The following TEX36 variants were observed in gnomAD, a reference collection of about 807,000 sequenced individuals.
The protein encoded by TEX36 is testis expressed 36, also known as testis-expressed protein 36.
Under a neutral mutation model 13.6 loss-of-function variants are expected in TEX36, and 12 were observed. The observed-to-expected ratio is 0.88, with a 90% CI of 0.56 to 1.43. The LOEUF (loss-of-function observed/expected upper bound fraction) is 1.43. Among genes scored for constraint, TEX36 ranks in the 40% most tolerant of loss-of-function variants. The pLI, the probability that TEX36 is intolerant of heterozygous loss-of-function variation, is 0.00. For synonymous variants in TEX36, 93 were observed against 83.0 expected (o/e 1.12, Z -0.65); for missense variants, 224 against 228.3 (o/e 0.98, Z 0.12).
chr10:125,612,661 T>C (rs1846304909), intron 3 of TEX36, among the ~76,000 whole-genome samples: 1 of 152,172 alleles, frequency 6.6e-6, no homozygotes, highest in Non-Finnish European at 1.5e-5. Context: ...AGTAGCTCCC[T>C]TAGTAATCCC....
chr10:125,596,705 A>C (rs1334025109), intron 3 of TEX36, among the ~76,000 whole-genome samples: 1 of 152,206 alleles, frequency 6.6e-6, no homozygotes, highest in Admixed American at 6.5e-5. Context: ...AAGAAAAGGA[A>C]ATCTCAGTAG....
At chr10:125,625,777 C>G (rs148217717) in intron 3 of TEX36, among the ~76,000 whole-genome samples, 1 of 152,370 alleles carries the variant, frequency 6.6e-6, no homozygotes, top group African/African-American at 2.4e-5. Context: ...TGGCACCTGA[C>G]CCAGTGCAGA....
chr10:125,665,707 T>C lies in TEX36; in HGVS notation c.52-3730A>G, dbSNP rs113600671. On this transcript the variant is annotated intron_variant, in intron 1 of 3. Coordinates refer to ENST00000368821, the MANE Select transcript of TEX36 (RefSeq NM_001128202.3). ...TATTCTGGCTCTTTTTTATTCCATA[T>C]GAATTTTAAGATTGTTTTTTCTAAT... Among the ~76,000 whole-genome samples the C allele has an allele frequency of 7.0e-3, 1,071 of 152,322 alleles. 16 individuals carry two copies. Among genetic ancestry groups the C allele is most frequent in the African/African-American group, 0.024 (1,018 of 41,570 alleles).
intron 3 of TEX36, among the ~76,000 whole-genome samples, chr10:125,627,866 G>C (rs1417528958): frequency 6.6e-6 from 1 of 152,202 alleles, no homozygotes; most frequent in Non-Finnish European, 1.5e-5. Context: ...CTCACTGGTG[G>C]ATTTGAGAAG....
Position 125,655,776 on chromosome 10 carries a change from C to A in TEX36, c.*124G>T. ...TCACAAGGATTTGAATGTTTTTTGA[C>A]CTTATAAAAATCATAAAAGTACTTT... On this transcript the variant is annotated 3_prime_UTR_variant, in exon 4 of 4. Coordinates refer to ENST00000368821, the MANE Select transcript of TEX36 (RefSeq NM_001128202.3). 3 of 1,339,706 alleles carry A rather than the reference C, an allele frequency of 2.2e-6. No homozygotes were observed. Among genetic ancestry groups the A allele is most frequent in the Non-Finnish European group, 1.9e-6 (2 of 1,045,228 alleles). 83.0% of individuals were successfully genotyped at this position (1,339,706 alleles called of 1,614,324 possible).
intron 3 of TEX36, among the ~76,000 whole-genome samples, chr10:125,609,529 G>A (rs1846265347): frequency 6.6e-6 from 1 of 152,182 alleles, no homozygotes; most frequent in South Asian, 2.1e-4. Context: ...TCCCATGCGG[G>A]ATCCTTCTCC....
downstream of TEX36, among the ~76,000 whole-genome samples, chr10:125,619,150 AT>A (rs1358416019): frequency 6.6e-6 from 1 of 151,834 alleles, no homozygotes; most frequent in Non-Finnish European, 1.5e-5. Context: ...AAATAAAAAA[AT>A]AAAAATAAAA....
At chr10:125,681,912 T>C (rs1370124457) in intron 1 of TEX36, among the ~76,000 whole-genome samples, 1 of 152,226 alleles carries the variant, frequency 6.6e-6, no homozygotes, top group Non-Finnish European at 1.5e-5. Flanking sequence ...CTAAGCTGCT[T>C]AGCCAAGGTT....
At chr10:125,580,382 A>G (rs1211188375) in intron 3 of TEX36, among the ~76,000 whole-genome samples, 1 of 152,202 alleles carries the variant, frequency 6.6e-6, no homozygotes, top group Non-Finnish European at 1.5e-5. Flanking sequence ...GGTTTTCTCC[A>G]ACTTTATTCA....
At chr10:125,637,225 C>G (rs1846633479) in intron 3 of TEX36, among the ~76,000 whole-genome samples, 1 of 151,864 alleles carries the variant, frequency 6.6e-6, no homozygotes, top group African/African-American at 2.4e-5. Flanking sequence ...GGGAGGATCA[C>G]CTGAGCCTGA....
intron 3 of TEX36, among the ~76,000 whole-genome samples, chr10:125,637,768 C>T (rs933475036): frequency 6.6e-6 from 1 of 152,112 alleles, no homozygotes; most frequent in Non-Finnish European, 1.5e-5. Context: ...GCCTCAAGAA[C>T]CTTGCCCCCA....
At chr10:125,659,001 C>T (rs1846988395) in intron 3 of TEX36, among the ~76,000 whole-genome samples, 1 of 151,928 alleles carries the variant, frequency 6.6e-6, no homozygotes, top group East Asian at 1.9e-4. Context: ...GATGTTATAC[C>T]GTACATTTGA....
chr10:125,617,675 T>C (rs998460908), downstream of TEX36, among the ~76,000 whole-genome samples: 31 of 152,376 alleles, frequency 2.0e-4, no homozygotes, highest in African/African-American at 7.5e-4. Flanking sequence ...CTGATGGGCT[T>C]CCCTTTGAGG....
chr10:125,678,821 G>A (rs1847349776), intron 1 of TEX36, among the ~76,000 whole-genome samples: 1 of 152,056 alleles, frequency 6.6e-6, no homozygotes. Flanking sequence ...AAGGACGTGA[G>A]GCTCTGTGTT....
chr10:125,594,140 G>A (rs1203871645), intron 3 of TEX36, among the ~76,000 whole-genome samples: 1 of 152,196 alleles, frequency 6.6e-6, no homozygotes, highest in African/African-American at 2.4e-5. Flanking sequence ...TTTTGGGGAA[G>A]AGGGACCCCA....
chr10:125,593,360 C>A (rs1343487246), intron 3 of TEX36, among the ~76,000 whole-genome samples: 1 of 152,170 alleles, frequency 6.6e-6, no homozygotes, highest in Non-Finnish European at 1.5e-5. Context: ...TGAGAAGTTG[C>A]CATACTCTAG....
intron 3 of TEX36, among the ~76,000 whole-genome samples, chr10:125,606,739 C>A (rs1846220706): frequency 6.6e-6 from 1 of 152,172 alleles, no homozygotes; most frequent in Non-Finnish European, 1.5e-5. Context: ...TACCACCTAC[C>A]ATTCCAAATT....
intron 3 of TEX36, among the ~76,000 whole-genome samples, chr10:125,596,385 G>A (rs1191778897): frequency 6.6e-6 from 1 of 152,054 alleles, no homozygotes; most frequent in African/African-American, 2.4e-5. Context: ...GGAAGAGGGA[G>A]GGAGAGAAAG....
Position 125,576,858 on chromosome 10 carries a change from GT to G in TEX36, c.280del (p.Thr94ArgfsTer17), listed in dbSNP as rs1565164553. On this transcript the variant is annotated frameshift_variant, in exon 4 of 4. Coordinates refer to the TEX36 transcript ENST00000532135. LOFTEE classifies it low-confidence loss of function (END_TRUNC). ...CTTGTCTGGTTCTCCCTGTGGGTCCGTTGCTGTCATTCTTTCCTGTGAGGAA... is the reference window on the plus strand; with the variant it reads ...CTTGTCTGGTTCTCCCTGTGGGTCCGTGCTGTCATTCTTTCCTGTGAGGAA... 6.5e-7 allele frequency: 1 copy of G among 1,536,078 alleles called. No homozygotes were observed. Among genetic ancestry groups the G allele is most frequent in the Admixed American group, 2.0e-5 (1 of 50,988 alleles).
Sources: gnomAD v4.1 joint callset for allele counts (sites outside exome capture counted in the v4.1 genomes callset) on GRCh38, gnomAD v4.1.1 for gene constraint, MANE v1.5 for transcripts, NCBI Gene and HGNC (gene_info 2026-07-23, HGNC 2026-07-21) for gene names.